TFAM: variants seen among roughly 807,000 people sequenced by gnomAD.
TFAM encodes the protein transcription factor A, mitochondrial, also known as mitochondrial transcription factor 1.
In TFAM, 13 loss-of-function variants were observed where a neutral mutation model predicts 30.6. The observed-to-expected ratio is 0.42, with a 90% confidence interval of 0.28 to 0.67. The LOEUF is 0.67. Ranked by LOEUF, TFAM falls within the 30% of genes least tolerant of loss-of-function variation. The probability of loss-of-function intolerance (pLI) is 0.21; values close to 1 mark genes in which losing one functional copy is unlikely to be tolerated. For synonymous variants in TFAM, 106 were observed against 94.8 expected (o/e 1.12, Z -0.69); for missense variants, 231 against 293.7 (o/e 0.79, Z 1.56).
Position 58,394,915 on chromosome 10 carries a change from T to A in TFAM, c.595-13T>A. On this transcript the variant is annotated splice_polypyrimidine_tract_variant and intron_variant, in intron 6 of 6. Transcript: ENST00000487519. ...AATAAGTAAATCATTTTAACAGTTA[T>A]GCTTTTTCTCAGTTATATATTCAGC... 1 of 1,609,336 alleles carries A rather than the reference T, an allele frequency of 6.2e-7. No homozygotes were observed. Among genetic ancestry groups the A allele is most frequent in the Non-Finnish European group, 8.5e-7 (1 of 1,176,784 alleles).
intron 5 of TFAM, among the ~76,000 whole-genome samples, chr10:58,391,765 C>CTTA (rs1334214003): frequency 6.6e-6 from 1 of 151,460 alleles, no homozygotes; most frequent in Non-Finnish European, 1.5e-5. Context: ...TGGTCTTTGC[C>CTTA]ATTAAAAGTA....
rs1840646460 is a variant in TFAM, at chr10:58,394,418, A to AGTATTACGGTT, written c.594+7_594+17dup. 33 of 1,612,756 alleles carry AGTATTACGGTT rather than the reference A, an allele frequency of 2.0e-5. No homozygotes were observed. Among genetic ancestry groups the AGTATTACGGTT allele is most frequent in the Non-Finnish European group, 2.8e-5 (33 of 1,178,786 alleles). On this transcript the variant is annotated splice_donor_region_variant and intron_variant, in intron 6 of 6. Transcript: ENST00000487519. ...TCTGTCTGACTCTGAAAAGGAAGTGAGTATTACGGTTGTTAGTCTCAAGTG... is the reference window on the plus strand; with the variant it reads ...TCTGTCTGACTCTGAAAAGGAAGTGAGTATTACGGTTGTATTACGGTTGTTAGTCTCAAGTG...
chr10:58,386,050 G>C (rs1490318914), intron 1 of TFAM, among the ~76,000 whole-genome samples, 170 bp from the exon 2 acceptor site: 1 of 151,520 alleles, frequency 6.6e-6, no homozygotes, highest in African/African-American at 2.4e-5. Flanking sequence ...TCCTGCAGAC[G>C]CTCCCCTCCG....
rs1340326731 is a variant in TFAM at position 58,397,113 on chromosome 10, G to C, written c.*2039G>C. ...TGGTACTAATTATGTACAGTCCCTAGGAGAATGGAGAAAATCATAACTCAA... is the reference window on the plus strand; with the variant it reads ...TGGTACTAATTATGTACAGTCCCTACGAGAATGGAGAAAATCATAACTCAA... On this transcript the variant is annotated 3_prime_UTR_variant, in exon 7 of 7. Coordinates refer to ENST00000487519, the MANE Select transcript of TFAM (RefSeq NM_003201.3). 2 of 152,146 alleles carry C rather than the reference G, an allele frequency of 1.3e-5. No homozygotes were observed. The highest frequency in any genetic ancestry group is 2.9e-5 in the Non-Finnish European group (2 of 68,048). 9.4% of individuals were successfully genotyped at this position (152,146 alleles called of 1,614,324 possible).
At position 58,397,615 on chromosome 10, in the gene TFAM, T is replaced by C. The variant is rs1357571385; in HGVS notation, c.*2541T>C. ...CAGAATACACACTGGATCCAAGCCTTTCTTAAACATCAGTACATGTGGAAG... is the reference window on the plus strand; with the variant it reads ...CAGAATACACACTGGATCCAAGCCTCTCTTAAACATCAGTACATGTGGAAG... On this transcript the variant is annotated 3_prime_UTR_variant, in exon 7 of 7. Coordinates refer to ENST00000487519, the MANE Select transcript of TFAM (RefSeq NM_003201.3). The C allele has an allele frequency of 1.3e-5, 2 of 152,166 alleles. No homozygotes were observed. Among genetic ancestry groups the C allele is most frequent in the East Asian group, 3.8e-4 (2 of 5,198 alleles). The allele number at this position is 152,166 out of a possible 1,614,324, so 9.4% of individuals were successfully genotyped here.
At chr10:58,385,936 C>T (rs558823239) in intron 1 of TFAM, among the ~76,000 whole-genome samples, 1 of 152,326 alleles carries the variant, frequency 6.6e-6, no homozygotes, top group African/African-American at 2.4e-5. Context: ...GCCGAGTCTC[C>T]GGCCATCATC....
At chr10:58,389,386 T>C (rs1029315722) in intron 4 of TFAM, among the ~76,000 whole-genome samples, 1 of 152,202 alleles carries the variant, frequency 6.6e-6, no homozygotes, top group African/African-American at 2.4e-5. Flanking sequence ...CACATAAATG[T>C]CATCATTTGA....
chr10:58,387,793 G>C (rs1205514676), intron 2 of TFAM, among the ~76,000 whole-genome samples: 5 of 152,078 alleles, frequency 3.3e-5, no homozygotes, highest in African/African-American at 4.8e-5. Context: ...AGCTGGACAT[G>C]ATGGCGCCTA....
At chr10:58,393,029 G>T (rs1255286436) in intron 5 of TFAM, among the ~76,000 whole-genome samples, 1 of 152,068 alleles carries the variant, frequency 6.6e-6, no homozygotes, top group Non-Finnish European at 1.5e-5. Flanking sequence ...GCCCAGGCTG[G>T]AGTGCAGTGG....
rs41304631 is a variant in TFAM, at chr10:58,396,081, A to G, written c.*1007A>G. On this transcript the variant is annotated 3_prime_UTR_variant, in exon 7 of 7. Transcript: ENST00000487519. ...ATGTTTTTTTTTAAAGACTTTTATG[A>G]TACTTGAAAATTAACATGAATATTT... 92 of 153,300 alleles carry G rather than the reference A, an allele frequency of 6.0e-4. No individual in the cohort carries two copies. The highest frequency in any genetic ancestry group is 1.1e-3 in the Non-Finnish European group (75 of 68,766). 9.5% of individuals were successfully genotyped at this position (153,300 alleles called of 1,614,324 possible).
intron 4 of TFAM, among the ~76,000 whole-genome samples, chr10:58,390,478 G>A (rs962237728): frequency 6.6e-6 from 1 of 152,110 alleles, no homozygotes; most frequent in Non-Finnish European, 1.5e-5. Context: ...TTTTAAAAAG[G>A]TTTTGTACAT....
At position 58,388,174 on chromosome 10, in the gene TFAM, T is replaced by A; in HGVS notation, c.221-16T>A. On this transcript the variant is annotated splice_polypyrimidine_tract_variant and intron_variant, in intron 2 of 6. Transcript: ENST00000487519. ...TAAAATTGTGGCATCTTTTTTCTTT[T>A]TATTTCATTCCATAGATGCAAAAAC... is the stretch of plus-strand genomic sequence containing the variant. The A allele has an allele frequency of 1.2e-6, 2 of 1,610,776 alleles. No homozygotes were observed. Among genetic ancestry groups the A allele is most frequent in the East Asian group, 4.5e-5 (2 of 44,848 alleles).
intron 6 of TFAM, among the ~76,000 whole-genome samples, 164 bp from the exon 7 acceptor site, chr10:58,394,764 A>G (rs1840653119): frequency 6.6e-6 from 1 of 152,172 alleles, no homozygotes; most frequent in Non-Finnish European, 1.5e-5. Flanking sequence ...TCTAACTTTT[A>G]TCTCATGAAA....
intron 1 of TFAM, among the ~76,000 whole-genome samples, chr10:58,385,901 C>T (rs947394339): frequency 1.3e-5 from 2 of 152,194 alleles, no homozygotes; most frequent in Admixed American, 6.5e-5. Flanking sequence ...GCTTTGGATC[C>T]TTTCCGCCTC....
chr10:58,386,819 A>G, intron 2 of TFAM: 1 of 468,656 alleles, frequency 2.1e-6, no homozygotes, highest in Non-Finnish European at 2.8e-6. Flanking sequence ...GTTCAGAGCC[A>G]CTCTGGTTCT....
chr10:58,390,772 C>G lies in TFAM; in HGVS notation c.449C>G (p.Thr150Arg), dbSNP rs1393686094. Residue 150 changes from threonine (T) to arginine (R), a missense_variant, in exon 5 of 7, where the codon ACA becomes AGA. Thr to Arg is a moderately conservative substitution (Grantham distance 71). Transcript: ENST00000487519. ...CCAATTTTTTTAATTCAGGAGTTAACACTGCTTGGAAAACCAAAAAGACCT... is the reference window on the plus strand; with the variant it reads ...CCAATTTTTTTAATTCAGGAGTTAAGACTGCTTGGAAAACCAAAAAGACCT... ...RKAMTKKKEL[T>R]LLGKPKRPRS... 2 of 1,612,330 alleles carry G rather than the reference C, an allele frequency of 1.2e-6. No homozygotes were observed. Among genetic ancestry groups the G allele is most frequent in the Admixed American group, 3.3e-5 (2 of 60,018 alleles).
chr10:58,394,433 A>C lies in TFAM; in HGVS notation c.594+19A>C. The C allele has an allele frequency of 6.2e-7, 1 of 1,606,532 alleles. No homozygotes were observed. Among genetic ancestry groups the C allele is most frequent in the Non-Finnish European group, 8.5e-7 (1 of 1,173,064 alleles). On this transcript the variant is annotated intron_variant, in intron 6 of 6. Coordinates refer to ENST00000487519, the MANE Select transcript of TFAM (RefSeq NM_003201.3). The stretch of plus-strand genomic sequence containing the variant: ...AAAGGAAGTGAGTATTACGGTTGTT[A>C]GTCTCAAGTGTCTACTTAGGATATC...
rs1840578563 is a variant in TFAM at position 58,390,822 on chromosome 10, G to A, written c.499G>A (p.Ala167Thr). Residue 167 changes from alanine (A) to threonine (T), a missense_variant, in exon 5 of 7, where the codon GCT (alanine) becomes ACT (threonine). Transcript: ENST00000487519. ...RPRSAYNVYV[A>T]ERFQEAKGDS... is the part of the protein sequence containing the mutation. ...TCGTTCAGCTTATAACGTTTATGTAGCTGAAAGATTCCAAGAAGCTAAGGG... is the reference window on the plus strand; with the variant it reads ...TCGTTCAGCTTATAACGTTTATGTAACTGAAAGATTCCAAGAAGCTAAGGG... 1 of 1,613,106 alleles carries A rather than the reference G, an allele frequency of 6.2e-7. No individual in the cohort carries two copies. The highest frequency in any genetic ancestry group is 1.7e-5 in the Admixed American group (1 of 59,988).
rs756889032 is a variant in TFAM, at chr10:58,385,575, G to A, written c.28G>A (p.Val10Met). 2 of 1,570,324 alleles carry A rather than the reference G, an allele frequency of 1.3e-6. No individual in the cohort carries two copies. Among genetic ancestry groups the A allele is most frequent in the Admixed American group, 1.8e-5 (1 of 54,062 alleles). The stretch of plus-strand genomic sequence containing the variant: ...GGCGTTTCTCCGAAGCATGTGGGGC[G>A]TGCTGAGTGCCCTGGGAAGGTCTGG... MAFLRSMWGVLSALGRSGAE... is the reference protein window; with the variant it reads MAFLRSMWGMLSALGRSGAE... The change falls in exon 1 of 7, where the codon GTG becomes ATG. Residue 10 changes from valine (V) to methionine (M), a missense_variant. Transcript: ENST00000487519.
Sources: allele counts gnomAD v4.1 joint callset (sites outside exome capture counted in the v4.1 genomes callset), GRCh38; gene constraint gnomAD v4.1.1; transcripts MANE v1.5; gene names NCBI Gene and HGNC (gene_info 2026-07-23, HGNC 2026-07-21).